The following WDR27 variants were observed in gnomAD, a reference collection of about 807,000 sequenced individuals.
The protein encoded by WDR27 is WD repeat-containing protein 27.
A neutral mutation model predicts 114.4 loss-of-function variants in WDR27; 100 were observed. The observed-to-expected ratio is 0.87, with a 90% CI of 0.74 to 1.03. The LOEUF (loss-of-function observed/expected upper bound fraction) is 1.03, where lower values mean the gene tolerates loss of function less well. Among genes scored for constraint, WDR27 ranks in the 50% least tolerant of loss-of-function variants. The probability of loss-of-function intolerance (pLI) is 0.00; values close to 1 mark genes in which losing one functional copy is unlikely to be tolerated. For missense variants in WDR27, 1,129 were observed against 1,092.9 expected, an observed-to-expected ratio of 1.03 and a Z score of -0.47; for synonymous variants, 449 against 423.1, an observed-to-expected ratio of 1.06 and a Z score of -0.75.
chr6:169,656,968 C>G (rs974362509), intron 13 of WDR27, among the ~76,000 whole-genome samples: 4 of 152,200 alleles, frequency 2.6e-5, no homozygotes, highest in East Asian at 1.9e-4. Context: ...CGCCTCCCCC[C>G]GGCCTTCATT....
intron 24 of WDR27, among the ~76,000 whole-genome samples, chr6:169,577,182 G>C (rs984940122): frequency 1.2e-4 from 18 of 152,286 alleles, no homozygotes; most frequent in African/African-American, 4.1e-4. Context: ...CCAACTCGCC[G>C]GCTCAGTCCA....
intron 9 of WDR27, among the ~76,000 whole-genome samples, chr6:169,662,005 A>G (rs1214388876): frequency 1.3e-5 from 2 of 152,228 alleles, no homozygotes; most frequent in African/African-American, 4.8e-5. Context: ...AGGCCATTCC[A>G]ATCACCATTT....
intron 22 of WDR27, among the ~76,000 whole-genome samples, chr6:169,611,306 C>CTTTT (rs56812983): frequency 7.6e-6 from 1 of 132,246 alleles, no homozygotes; most frequent in African/African-American, 2.9e-5. Flanking sequence ...TTTTTACTTA[C>CTTTT]TTTTTTTTTT....
At chr6:169,460,419 A>T (rs1424230509) in intron 25 of WDR27, among the ~76,000 whole-genome samples, 1 of 152,200 alleles carries the variant, frequency 6.6e-6, no homozygotes, top group East Asian at 1.9e-4. Flanking sequence ...GGTAGCCACA[A>T]AGAAAACAGC....
intron 24 of WDR27, among the ~76,000 whole-genome samples, chr6:169,580,933 TTA>T (rs1220748162): frequency 0.076 from 4,054 of 53,642 alleles, 206 homozygotes; most frequent in African/African-American, 0.19. Flanking sequence ...TTAGTGAATT[TTA>T]TATATATATA....
the WDR27 span, among the ~76,000 whole-genome samples, chr6:169,431,742 G>C: frequency 1.9e-4 from 29 of 152,122 alleles, no homozygotes; most frequent in African/African-American, 7.0e-4. Context: ...TTAAATACTT[G>C]CCAAGATAGT....
At chr6:169,454,066 A>G (rs1012652222), downstream of WDR27, among the ~76,000 whole-genome samples, 1 of 152,246 alleles carries the variant, frequency 6.6e-6, no homozygotes, top group African/African-American at 2.4e-5. Flanking sequence ...ACAGAAAAAA[A>G]GAAATTGATT....
chr6:169,458,465 CTATAGGAGCCAGACAGTAAAAAATG>C (rs1784544620), intron 25 of WDR27, among the ~76,000 whole-genome samples: 1 of 152,006 alleles, frequency 6.6e-6, no homozygotes. Context: ...TCTCTTCCCC[CTATAGGAGCCAGACAGTAAAAAATG>C]TATAGGAGCC....
At chr6:169,627,527 T>C (rs1033689140) in intron 21 of WDR27, among the ~76,000 whole-genome samples, 2 of 152,132 alleles carry the variant, frequency 1.3e-5, no homozygotes, top group African/African-American at 4.8e-5. Flanking sequence ...TATCAGAATG[T>C]GGAGATCGTC....
chr6:169,456,057 A>G (rs939567010), downstream of WDR27, among the ~76,000 whole-genome samples: 1 of 152,202 alleles, frequency 6.6e-6, no homozygotes, highest in Non-Finnish European at 1.5e-5. The surrounding 1 kb of genome is among the most constrained non-coding windows in gnomAD (Gnocchi z 4.0). Context: ...ACTGAAATTA[A>G]GAATATTAAA....
intron 24 of WDR27, among the ~76,000 whole-genome samples, chr6:169,579,077 G>A (rs542089341): frequency 1.1e-4 from 17 of 152,264 alleles, no homozygotes; most frequent in African/African-American, 4.1e-4. Context: ...GGTGTCAGTG[G>A]CACCAGACAT....
intron 25 of WDR27, among the ~76,000 whole-genome samples, chr6:169,471,133 A>C (rs931029495): frequency 1.3e-5 from 2 of 149,112 alleles, no homozygotes; most frequent in Admixed American, 1.3e-4. Flanking sequence ...TTCTAGTCAT[A>C]TTAAGTTGGT....
At chr6:169,454,997 G>A (rs770281152), downstream of WDR27, among the ~76,000 whole-genome samples, 3 of 152,204 alleles carry the variant, frequency 2.0e-5, no homozygotes, top group African/African-American at 4.8e-5. Flanking sequence ...CAAAGACTGC[G>A]GGCTCTGGTA....
chr6:169,699,874 G>A (rs947502590), intron 1 of WDR27, among the ~76,000 whole-genome samples: 1 of 152,060 alleles, frequency 6.6e-6, no homozygotes, highest in African/African-American at 2.4e-5. Context: ...CCCAGCTGCT[G>A]GGGAGGCTGA....
chr6:169,693,812 A>G (rs911957537), intron 1 of WDR27, among the ~76,000 whole-genome samples: 5 of 152,150 alleles, frequency 3.3e-5, no homozygotes, highest in African/African-American at 1.2e-4. Context: ...AAATATATAC[A>G]CACCTAACAC....
At chr6:169,697,233 T>A (rs1786359314) in intron 1 of WDR27, among the ~76,000 whole-genome samples, 1 of 152,084 alleles carries the variant, frequency 6.6e-6, no homozygotes, top group Admixed American at 6.5e-5. Context: ...AGATAGGAGC[T>A]GAGGGGACAT....
chr6:169,548,184 G>A (rs1797689636), intron 25 of WDR27, among the ~76,000 whole-genome samples: 1 of 151,996 alleles, frequency 6.6e-6, no homozygotes, highest in Non-Finnish European at 1.5e-5. Flanking sequence ...TATCAAAGAA[G>A]AACTAAATAA....
At chr6:169,540,310 T>C (rs1256163854) in intron 25 of WDR27, among the ~76,000 whole-genome samples, 2 of 152,240 alleles carry the variant, frequency 1.3e-5, no homozygotes, top group Non-Finnish European at 1.5e-5. Context: ...TTCTTTCACA[T>C]TGAAATCATA....
In WDR27 at chr6:169,659,032, G is replaced by C. The variant is rs548604070; in HGVS notation, c.1319+54C>G. ...CTTTATTTCTGAACATAGAAATCCA[G>C]ATGGCACTTATTGGTGAACACACAC... On this transcript the variant is annotated intron_variant, in intron 12 of 25. Coordinates refer to ENST00000448612, the MANE Select transcript of WDR27 (RefSeq NM_182552.5). The surrounding 1 kb of genome is among the most constrained non-coding windows in gnomAD (Gnocchi z 4.3). The C allele has an allele frequency of 6.7e-7, 1 of 1,482,942 alleles. No individual in the cohort carries two copies. 91.9% of individuals were successfully genotyped at this position (1,482,942 alleles called of 1,614,324 possible).
Sources: gnomAD v4.1 joint callset for allele counts (sites outside exome capture counted in the v4.1 genomes callset) on GRCh38, gnomAD v4.1.1 for gene constraint, Gnocchi (gnomAD v3.1) non-coding constraint, MANE v1.5 for transcripts, NCBI Gene and HGNC (gene_info 2026-07-23, HGNC 2026-07-21) for gene names.